The following RNF157 variants were observed in gnomAD, a reference collection of about 807,000 sequenced individuals.
The protein encoded by RNF157 is E3 ubiquitin ligase RNF157.
A neutral mutation model predicts 88.3 loss-of-function variants in RNF157; 55 were observed. That is an observed-to-expected ratio of 0.62 (90% CI 0.50 to 0.78). The LOEUF (loss-of-function observed/expected upper bound fraction) is 0.78, where lower values mean the gene tolerates loss of function less well. Ranked by LOEUF, RNF157 falls within the 30% of genes least tolerant of loss-of-function variation. The pLI is 0.00. For synonymous variants in RNF157, 334 were observed against 341.2 expected (o/e 0.98, Z 0.23); for missense variants, 788 against 860.8 (o/e 0.92, Z 1.06).
At chr17:76,145,393 T>G (rs1323698543) in intron 18 of RNF157, 40 bp from the exon 19 acceptor site, 5 of 1,521,872 alleles carry the variant, frequency 3.3e-6, no homozygotes, top group Non-Finnish European at 4.5e-6. Flanking sequence ...GCCAGACCTT[T>G]GGCCAAATCC....
chr17:76,211,583 G>T (rs1032240276), intron 2 of RNF157, among the ~76,000 whole-genome samples: 2 of 152,152 alleles, frequency 1.3e-5, no homozygotes, highest in Non-Finnish European at 2.9e-5. Flanking sequence ...AAAACCCTTA[G>T]AACAGTGCTT....
rs111915535 is a variant in RNF157, at chr17:76,216,894, A to C, written c.89-4412T>G. Among the ~76,000 whole-genome samples the C allele has an allele frequency of 4.3e-3, 652 of 152,016 alleles. 1 individual carries two copies. Among genetic ancestry groups the C allele is most frequent in the African/African-American group, 0.013 (555 of 41,512 alleles). ...TAAAAGAGCAAGACCCTGTGTCAAAAAAAAACAAAAACAAAAACAAAAAAC... is the reference window on the plus strand; with the variant it reads ...TAAAAGAGCAAGACCCTGTGTCAAACAAAAACAAAAACAAAAACAAAAAAC... On this transcript the variant is annotated intron_variant, in intron 1 of 18. Coordinates refer to ENST00000269391, the MANE Select transcript of RNF157 (RefSeq NM_052916.3).
chr17:76,145,321 G>A lies in RNF157; in HGVS notation c.1954C>T (p.Arg652Trp), dbSNP rs535226941. Residue 652 changes from arginine (R) to tryptophan (W), a missense_variant, in exon 19 of 19, where the codon CGG becomes TGG. Coordinates refer to ENST00000269391, the MANE Select transcript of RNF157 (RefSeq NM_052916.3). ...GACAAGCGCCGGCGCTGGGCATTCC[G>A]ACTGACGGCATTGTCATCAGCCTGC... is the stretch of plus-strand genomic sequence containing the variant. Reference protein sequence around the residue: ...AWQADDNAVSRNAQRRRLSSS... With the variant: ...AWQADDNAVSWNAQRRRLSSS... The A allele has an allele frequency of 4.4e-5, 71 of 1,612,914 alleles. No individual in the cohort carries two copies. In the East Asian group the frequency reaches 1.1e-3, roughly 25 times the overall value.
chr17:76,219,873 A>C (rs916414921), intron 1 of RNF157, among the ~76,000 whole-genome samples: 1 of 152,222 alleles, frequency 6.6e-6, no homozygotes, highest in African/African-American at 2.4e-5. Context: ...GGCATTAAGC[A>C]GATGAGTAAT....
chr17:76,182,451 CTGTGTGTG>C (rs5822121), intron 2 of RNF157, among the ~76,000 whole-genome samples: 4 of 144,116 alleles, frequency 2.8e-5, no homozygotes, highest in South Asian at 4.4e-4. Flanking sequence ...CGCATTTAGT[CTGTGTGTG>C]TGTGTGTGTG....
At chr17:76,156,079 G>T in intron 14 of RNF157, 131 bp downstream of exon 14, 1 of 707,872 alleles carries the variant, frequency 1.4e-6, no homozygotes, top group Non-Finnish European at 2.4e-6. Context: ...TCCCTCTCAA[G>T]CCAGGGCCTA....
intron 1 of RNF157, among the ~76,000 whole-genome samples, chr17:76,228,550 C>A (rs939960423): frequency 6.6e-6 from 1 of 152,140 alleles, no homozygotes; most frequent in Admixed American, 6.6e-5. Context: ...TTCTTACTTA[C>A]CTCATCCTAC....
At chr17:76,172,178 AAG>A (rs2069024690) in intron 3 of RNF157, among the ~76,000 whole-genome samples, 1 of 152,284 alleles carries the variant, frequency 6.6e-6, no homozygotes, top group Admixed American at 6.5e-5. Context: ...ATAAAAAATT[AAG>A]AGAGAGAAAC....
At chr17:76,232,195 C>A (rs902553254) in intron 1 of RNF157, among the ~76,000 whole-genome samples, 4 of 152,090 alleles carry the variant, frequency 2.6e-5, no homozygotes, top group Non-Finnish European at 5.9e-5. Context: ...CCAGCCAGGG[C>A]AACGTAGTGG....
chr17:76,220,603 G>GT (rs1206154768), intron 1 of RNF157, among the ~76,000 whole-genome samples: 3 of 151,936 alleles, frequency 2.0e-5, no homozygotes, highest in Non-Finnish European at 4.4e-5. Flanking sequence ...GAGCCCAGAA[G>GT]TTTGAGACCA....
At position 76,165,519 on chromosome 17, in the gene RNF157, G is replaced by A. The variant is rs1320876893; in HGVS notation, c.655C>T (p.Leu219=). 3 of 1,614,168 alleles carry A rather than the reference G, an allele frequency of 1.9e-6. No individual in the cohort carries two copies. In the Admixed American group the frequency reaches 5.0e-5, roughly 27 times the overall value. The part of the protein sequence containing the change: ...DEYFGHCHVL[L]GTFEKHTDGT... Reference sequence around the variant, plus strand: ...TCACTCACCTTCTCAAAAGTACCCAGCAGTACATGGCAATGGCCAAAATAC... The same window carrying A: ...TCACTCACCTTCTCAAAAGTACCCAACAGTACATGGCAATGGCCAAAATAC... Residue 219 remains leucine, a synonymous_variant, in exon 7 of 19, where the codon CTG becomes TTG. Coordinates refer to ENST00000269391, the MANE Select transcript of RNF157 (RefSeq NM_052916.3).
intron 2 of RNF157, among the ~76,000 whole-genome samples, chr17:76,191,763 G>A (rs1031480636): frequency 3.3e-5 from 5 of 152,128 alleles, no homozygotes; most frequent in African/African-American, 1.2e-4. Flanking sequence ...GACAGAGGCA[G>A]ACCCTGTCTA....
At position 76,160,133 on chromosome 17, in the gene RNF157, T is replaced by C. The variant is rs1325591568; in HGVS notation, c.1066-560A>G. On this transcript the variant is annotated intron_variant, in intron 11 of 18. Coordinates refer to ENST00000269391, the MANE Select transcript of RNF157 (RefSeq NM_052916.3). The surrounding 1 kb of genome is among the most constrained non-coding windows in gnomAD (Gnocchi z 4.3). ...CCATGCCTGGCCAGAACATAAATATTTTCCTTTGTTTCTGAAGCCTCTTTA... is the reference window on the plus strand; with the variant it reads ...CCATGCCTGGCCAGAACATAAATATCTTCCTTTGTTTCTGAAGCCTCTTTA... Among the ~76,000 whole-genome samples the C allele has an allele frequency of 6.6e-6, 1 of 152,188 alleles. No homozygotes were observed. Among genetic ancestry groups the C allele is most frequent in the African/African-American group, 2.4e-5 (1 of 41,444 alleles).
chr17:76,181,842 A>AGGT (rs1366669288), intron 2 of RNF157, among the ~76,000 whole-genome samples: 1 of 143,968 alleles, frequency 6.9e-6, no homozygotes, highest in East Asian at 2.1e-4. Flanking sequence ...CAGGAGGCAG[A>AGGT]GGTTGCAGTG....
rs1245384345 is a variant in RNF157 at position 76,156,286 on chromosome 17, G to A, written c.1449C>T (p.Thr483=). ...GGTCAATAGCTCCAGATGACGACAA[G>A]GTGAGATTCTCACTTTCTGGAGTCA... ...CGVTPESENL[T]LSSSGAIDQS... is the part of the protein sequence containing the mutation. Residue 483 remains threonine, a synonymous_variant, in exon 14 of 19, where the codon ACC becomes ACT. Transcript: ENST00000269391. The A allele has an allele frequency of 6.2e-7, 1 of 1,613,958 alleles. No homozygotes were observed. The highest frequency in any genetic ancestry group is 1.3e-5 in the African/African-American group (1 of 74,902).
intron 2 of RNF157, 51 bp from the exon 3 acceptor site, chr17:76,173,841 G>C: frequency 1.4e-6 from 2 of 1,446,608 alleles, no homozygotes; most frequent in South Asian, 1.2e-5. Context: ...AAGACCCACA[G>C]CTGTCCCTCG....
intron 1 of RNF157, among the ~76,000 whole-genome samples, chr17:76,227,168 G>C (rs2070107433): frequency 6.6e-6 from 1 of 150,484 alleles, no homozygotes; most frequent in Admixed American, 6.6e-5. Flanking sequence ...CTAGGCTGGA[G>C]TGCAATGAAT....
chr17:76,193,960 G>A (rs1237329966), intron 2 of RNF157, among the ~76,000 whole-genome samples: 2 of 152,108 alleles, frequency 1.3e-5, no homozygotes, highest in South Asian at 2.1e-4. Flanking sequence ...TGGGGTACAC[G>A]TCCACAAACG....
chr17:76,218,275 G>A (rs2069924138), intron 1 of RNF157, among the ~76,000 whole-genome samples: 1 of 152,138 alleles, frequency 6.6e-6, no homozygotes, highest in Non-Finnish European at 1.5e-5. Flanking sequence ...TATGTCAGAA[G>A]ACAAGGGAGT....
Sources: gnomAD v4.1 joint callset for allele counts (sites outside exome capture counted in the v4.1 genomes callset) on GRCh38, gnomAD v4.1.1 for gene constraint, Gnocchi (gnomAD v3.1) non-coding constraint, MANE v1.5 for transcripts, NCBI Gene and HGNC (gene_info 2026-07-23, HGNC 2026-07-21) for gene names.